GPC6: variants seen among roughly 807,000 people sequenced by gnomAD.
The protein encoded by GPC6 is glypican 6.
A neutral mutation model predicts 55.2 loss-of-function variants in GPC6; 14 were observed. The observed-to-expected ratio is 0.25, with a 90% CI of 0.17 to 0.40. The LOEUF is 0.40. Among genes scored for constraint, GPC6 ranks in the 10% least tolerant of loss-of-function variants. The pLI is 1.00. For missense variants in GPC6, 641 were observed against 708.5 expected, an observed-to-expected ratio of 0.90 and a Z score of 1.08; for synonymous variants, 278 against 259.6, an observed-to-expected ratio of 1.07 and a Z score of -0.68.
chr13:93,347,740 T>C (rs909598340), intron 1 of GPC6, among the ~76,000 whole-genome samples: 2 of 152,190 alleles, frequency 1.3e-5, no homozygotes, highest in African/African-American at 4.8e-5. Flanking sequence ...AACACAAGTC[T>C]TCAATGCACT....
chr13:94,117,240 T>C (rs1275574964), intron 4 of GPC6, among the ~76,000 whole-genome samples: 1 of 152,108 alleles, frequency 6.6e-6, no homozygotes, highest in Non-Finnish European at 1.5e-5. Flanking sequence ...GACTCTGCTT[T>C]TAGCACCAGA....
chr13:94,028,141 T>A (rs530531297), intron 4 of GPC6, among the ~76,000 whole-genome samples: 39 of 152,176 alleles, frequency 2.6e-4, no homozygotes, highest in African/African-American at 9.4e-4. Flanking sequence ...AGCACACATC[T>A]ATGGTCCCAG....
chr13:93,448,464 G>A (rs1878093598), intron 1 of GPC6, among the ~76,000 whole-genome samples: 1 of 152,130 alleles, frequency 6.6e-6, no homozygotes, highest in Non-Finnish European at 1.5e-5. Context: ...ATTAAGTGAT[G>A]TATGACTACG....
chr13:93,874,735 T>C (rs1160645424), intron 3 of GPC6, among the ~76,000 whole-genome samples: 1 of 151,666 alleles, frequency 6.6e-6, no homozygotes, highest in African/African-American at 2.4e-5. Flanking sequence ...TTGTCCTTGT[T>C]GTTATTCCCA....
intron 3 of GPC6, among the ~76,000 whole-genome samples, chr13:93,976,551 C>T (rs1030005086): frequency 2.6e-5 from 4 of 151,308 alleles, no homozygotes; most frequent in African/African-American, 4.8e-5. Flanking sequence ...GTTACAGCTG[C>T]GGTCTGAAGA....
intron 3 of GPC6, among the ~76,000 whole-genome samples, chr13:93,937,089 A>C (rs1878475473): frequency 6.6e-6 from 1 of 152,238 alleles, no homozygotes; most frequent in Non-Finnish European, 1.5e-5. Context: ...GGTTAGCCAG[A>C]GACTGACACT....
chr13:93,311,344 C>CTATTTCTTGTTAAGCTA (rs1879060641), intron 1 of GPC6, among the ~76,000 whole-genome samples: 1 of 152,286 alleles, frequency 6.6e-6, no homozygotes, highest in African/African-American at 2.4e-5. Flanking sequence ...GACCCTTGAG[C>CTATTTCTTGTTAAGCTA]TATTTGAATA....
chr13:94,384,547 A>AT (rs1004232870), intron 7 of GPC6, among the ~76,000 whole-genome samples: 19 of 148,812 alleles, frequency 1.3e-4, no homozygotes, highest in East Asian at 4.2e-4. Flanking sequence ...AAAAGGAAAT[A>AT]TTTTTTTAAA....
At chr13:93,877,400 C>A (rs989813097) in intron 3 of GPC6, among the ~76,000 whole-genome samples, 3 of 151,656 alleles carry the variant, frequency 2.0e-5, no homozygotes, top group African/African-American at 4.9e-5. Flanking sequence ...TTTTTAATTA[C>A]CCCTTTAAAA....
chr13:94,020,704 T>G (rs1882662755), intron 3 of GPC6, among the ~76,000 whole-genome samples: 2 of 152,132 alleles, frequency 1.3e-5, no homozygotes, highest in Non-Finnish European at 1.5e-5. Flanking sequence ...ACATTGCATT[T>G]CCCCAAGATA....
intron 4 of GPC6, among the ~76,000 whole-genome samples, chr13:94,087,499 T>C (rs1197469387): frequency 6.6e-6 from 1 of 152,222 alleles, no homozygotes; most frequent in African/African-American, 2.4e-5. Context: ...AACAAAGGAA[T>C]ACAAACTGAT....
At chr13:93,898,795 C>T (rs1277175542) in intron 3 of GPC6, among the ~76,000 whole-genome samples, 1 of 151,666 alleles carries the variant, frequency 6.6e-6, no homozygotes, top group Non-Finnish European at 1.5e-5. Flanking sequence ...TGTCACAGAG[C>T]ACAGCTTAGG....
chr13:93,944,412 G>A (rs1350130096), intron 3 of GPC6, among the ~76,000 whole-genome samples: 1 of 152,004 alleles, frequency 6.6e-6, no homozygotes, highest in African/African-American at 2.4e-5. Context: ...CACTGTGTTA[G>A]CCAGGATGGT....
At chr13:93,323,434 CT>C (rs1566298926) in intron 1 of GPC6, among the ~76,000 whole-genome samples, 1 of 152,056 alleles carries the variant, frequency 6.6e-6, no homozygotes, top group Non-Finnish European at 1.5e-5. Flanking sequence ...CTTCCTTTTC[CT>C]TTCTTTTCTG....
intron 6 of GPC6, among the ~76,000 whole-genome samples, chr13:94,333,618 G>A (rs1167888516): frequency 6.6e-6 from 1 of 152,184 alleles, no homozygotes; most frequent in Non-Finnish European, 1.5e-5. Context: ...TGCACTTCAA[G>A]TCATCTGTCT....
At chr13:93,480,652 G>C (rs762623155) in intron 1 of GPC6, among the ~76,000 whole-genome samples, 1 of 152,070 alleles carries the variant, frequency 6.6e-6, no homozygotes, top group Admixed American at 6.6e-5. Flanking sequence ...TGGTCACTCC[G>C]TATTGCCCTG....
At chr13:93,849,962 A>G (rs907296888) in intron 3 of GPC6, among the ~76,000 whole-genome samples, 2 of 152,120 alleles carry the variant, frequency 1.3e-5, no homozygotes, top group African/African-American at 4.8e-5. Flanking sequence ...CACATTGCAC[A>G]TTTACAATTA....
intron 2 of GPC6, among the ~76,000 whole-genome samples, chr13:93,798,418 A>G (rs1436378827): frequency 6.6e-6 from 1 of 152,186 alleles, no homozygotes; most frequent in African/African-American, 2.4e-5. Flanking sequence ...AGTCTACCAT[A>G]TAAAAACAAG....
chr13:93,843,903 A>G (rs1440727446), intron 3 of GPC6, among the ~76,000 whole-genome samples: 1 of 152,174 alleles, frequency 6.6e-6, no homozygotes, highest in East Asian at 1.9e-4. Flanking sequence ...TTTTTAACCA[A>G]AAGTGAAAAA....
Sources: gnomAD v4.1 joint callset for allele counts (sites outside exome capture counted in the v4.1 genomes callset) on GRCh38, gnomAD v4.1.1 for gene constraint, MANE v1.5 for transcripts, NCBI Gene and HGNC (gene_info 2026-07-23, HGNC 2026-07-21) for gene names.